The following UBE2Z variants were observed in gnomAD, a reference collection of about 807,000 sequenced individuals.
UBE2Z encodes the protein ubiquitin conjugating enzyme E2 Z.
In UBE2Z, 10 loss-of-function variants were observed where a neutral mutation model predicts 32.6. The ratio of observed to expected loss-of-function variants is 0.31; its 90% CI spans 0.19 to 0.52. UBE2Z has a LOEUF of 0.52. UBE2Z is among the 20% of genes least tolerant of loss of function. UBE2Z has a pLI of 0.97. For synonymous variants in UBE2Z, 183 were observed against 190.8 expected, an observed-to-expected ratio of 0.96 and a Z score of 0.34; for missense variants, 343 against 480.9, an observed-to-expected ratio of 0.71 and a Z score of 2.68.
At chr17:48,911,421 GAA>G (rs1290185384) in intron 2 of UBE2Z, 1 of 154,526 alleles carries the variant, frequency 6.5e-6, no homozygotes, top group Non-Finnish European at 1.4e-5. Context: ...CTCTCAGAGA[GAA>G]AGCTTAATAC....
chr17:48,925,236 G>A (rs578220950), intron 6 of UBE2Z, among the ~76,000 whole-genome samples: 66 of 146,576 alleles, frequency 4.5e-4, no homozygotes, highest in Non-Finnish European at 5.8e-4. Context: ...AGTGACCCGA[G>A]ATCACGTTGC....
chr17:48,912,846 A>C lies in UBE2Z; in HGVS notation c.403A>C (p.Ile135Leu). The C allele has an allele frequency of 6.2e-7, 1 of 1,613,676 alleles. No individual in the cohort carries two copies. Among genetic ancestry groups the C allele is most frequent in the Non-Finnish European group, 8.5e-7 (1 of 1,179,848 alleles). ...TVDMTKIHALITGPFDTPYEG... is the reference protein window; with the variant it reads ...TVDMTKIHALLTGPFDTPYEG... ...TTTTATTTTGCAGATTCATGCATTG[A>C]TCACAGGCCCATTTGACACTCCTTA... The change falls in exon 3 of 7, where the codon ATC becomes CTC. Residue 135 changes from isoleucine (I) to leucine (L), a missense_variant. Physicochemically the swap from Ile to Leu is conservative, Grantham distance 5. Coordinates refer to ENST00000360943, the MANE Select transcript of UBE2Z (RefSeq NM_023079.5).
intron 6 of UBE2Z, among the ~76,000 whole-genome samples, chr17:48,924,473 T>A (rs988365703): frequency 5.3e-5 from 8 of 152,230 alleles, no homozygotes; most frequent in African/African-American, 1.9e-4. Context: ...TTGCCTCTAC[T>A]GGGAAAAGTG....
At chr17:48,916,300 G>A in intron 4 of UBE2Z, 113 bp downstream of exon 4, 1 of 512,804 alleles carries the variant, frequency 2.0e-6, no homozygotes. Flanking sequence ...CTGTCACCTA[G>A]GCTGTAGTGC....
chr17:48,912,155 T>C (rs1194457439), intron 2 of UBE2Z: 1 of 151,450 alleles, frequency 6.6e-6, no homozygotes, highest in African/African-American at 2.4e-5. Flanking sequence ...TCAGTCATGA[T>C]GTGCTGCCTG....
intron 1 of UBE2Z, among the ~76,000 whole-genome samples, chr17:48,909,484 C>T (rs1165594794): frequency 6.6e-6 from 1 of 151,774 alleles, no homozygotes; most frequent in Non-Finnish European, 1.5e-5. Context: ...CCCCAATTCC[C>T]CAGTGCCACT....
rs1345603279 is a variant in UBE2Z, at chr17:48,908,488, C to T, written c.-16C>T. 18 of 1,232,498 alleles carry T rather than the reference C, an allele frequency of 1.5e-5. No homozygotes were observed. The highest frequency in any genetic ancestry group is 9.3e-5 in the African/African-American group (6 of 64,172). The allele number at this position is 1,232,498 out of a possible 1,614,324, so 76.3% of individuals were successfully genotyped here. ...CGGCGGACGTGCTGCCGAGTAGTCC[C>T]GGAAGCGAAGCAGCGATGGCGGAGA... On this transcript the variant is annotated 5_prime_UTR_variant, in exon 1 of 7. Transcript: ENST00000360943.
intron 3 of UBE2Z, chr17:48,915,848 C>A: frequency 2.2e-6 from 1 of 447,388 alleles, no homozygotes; most frequent in Non-Finnish European, 3.9e-6. Flanking sequence ...ACATAGCTTG[C>A]TATTACCTGT....
At chr17:48,917,246 A>G (rs1366924319) in intron 4 of UBE2Z, among the ~76,000 whole-genome samples, 1 of 152,168 alleles carries the variant, frequency 6.6e-6, no homozygotes, top group African/African-American at 2.4e-5. Context: ...TGGAGCTTAC[A>G]GTGAGCCAAG....
At position 48,928,685 on chromosome 17, in the gene UBE2Z, A is replaced by T. The variant is rs1182239036; in HGVS notation, c.*1551A>T. ...AGGGATTGGTGGGCTTGGGGAACGG[A>T]AGTTTATCTTGGATACCCTTGAAGA... is the stretch of plus-strand genomic sequence containing the variant. On this transcript the variant is annotated 3_prime_UTR_variant, in exon 7 of 7. Transcript: ENST00000360943. The T allele has an allele frequency of 6.6e-6, 1 of 151,980 alleles. No homozygotes were observed. The highest frequency in any genetic ancestry group is 2.1e-4 in the South Asian group (1 of 4,794). 9.4% of individuals were successfully genotyped at this position (151,980 alleles called of 1,614,324 possible). A position where few individuals can be genotyped will look rare whatever the true frequency, so the allele number is the denominator to read the frequency against.
intron 4 of UBE2Z, among the ~76,000 whole-genome samples, chr17:48,919,069 C>CTG (rs2040741371): frequency 6.6e-6 from 1 of 151,600 alleles, no homozygotes. Flanking sequence ...TTTTTTACTT[C>CTG]CAGAATGACT....
At chr17:48,920,858 T>C (rs1193266520) in intron 4 of UBE2Z, among the ~76,000 whole-genome samples, 1 of 152,124 alleles carries the variant, frequency 6.6e-6, no homozygotes, top group African/African-American at 2.4e-5. Context: ...TGTTTGGTTA[T>C]TTCCCACATA....
chr17:48,912,283 C>A (rs1447123817), intron 2 of UBE2Z: 1 of 154,380 alleles, frequency 6.5e-6, no homozygotes, highest in African/African-American at 2.4e-5. Flanking sequence ...GCCTCCAATC[C>A]CTTTCTTCGT....
Position 48,927,247 on chromosome 17 carries a change from C to A in UBE2Z, c.*113C>A, listed in dbSNP as rs1427318508. 2.3e-5 allele frequency: 27 copies of A among 1,166,410 alleles called. No homozygotes were observed. Among genetic ancestry groups the A allele is most frequent in the Non-Finnish European group, 2.4e-6 (2 of 831,286 alleles). 72.3% of individuals were successfully genotyped at this position (1,166,410 alleles called of 1,614,324 possible). ...TCCCTCCAGACTCGAAGTCATCCTG[C>A]AAGATGGCAAGAACCAAGCAAGCTC... On this transcript the variant is annotated 3_prime_UTR_variant, in exon 7 of 7. Coordinates refer to ENST00000360943, the MANE Select transcript of UBE2Z (RefSeq NM_023079.5).
chr17:48,923,673 AGAG>A (rs1379008235), intron 6 of UBE2Z, among the ~76,000 whole-genome samples: 1 of 151,210 alleles, frequency 6.6e-6, no homozygotes, highest in East Asian at 1.9e-4. Context: ...TGAGAGCCAG[AGAG>A]GAGACTGATT....
intron 4 of UBE2Z, among the ~76,000 whole-genome samples, chr17:48,917,300 G>T (rs568545889): frequency 1.4e-4 from 22 of 152,118 alleles, no homozygotes; most frequent in Middle Eastern, 3.4e-3. Context: ...GCGAGACACC[G>T]TCTTAAAAAA....
chr17:48,928,775 C>T lies in UBE2Z; in HGVS notation c.*1641C>T, dbSNP rs1231527599. ...CTTCCAATTTCCCTCTTCCATTCCT[C>T]GAGCTACTCCAGGGCTTAGAAGAAT... On this transcript the variant is annotated 3_prime_UTR_variant, in exon 7 of 7. Transcript: ENST00000360943. 1.3e-5 allele frequency: 2 copies of T among 152,630 alleles called. No individual in the cohort carries two copies. Among genetic ancestry groups the T allele is most frequent in the African/African-American group, 4.8e-5 (2 of 41,444 alleles). The allele number at this position is 152,630 out of a possible 1,614,324, so 9.5% of individuals were successfully genotyped here. A position where few individuals can be genotyped will look rare whatever the true frequency, so the allele number is the denominator to read the frequency against.
At chr17:48,909,900 G>A (rs886538614) in intron 1 of UBE2Z, among the ~76,000 whole-genome samples, 3 of 152,098 alleles carry the variant, frequency 2.0e-5, no homozygotes, top group African/African-American at 7.2e-5. Flanking sequence ...TAAAGTACCT[G>A]GCACAGTGCC....
intron 6 of UBE2Z, 113 bp from the exon 7 acceptor site, chr17:48,926,851 T>C (rs765763236): frequency 9.6e-5 from 119 of 1,234,460 alleles, no homozygotes; most frequent in Middle Eastern, 2.8e-4. Flanking sequence ...TAGGCCTTCC[T>C]GCTCCCATGG....
Sources: gnomAD v4.1 joint callset for allele counts (sites outside exome capture counted in the v4.1 genomes callset) on GRCh38, gnomAD v4.1.1 for gene constraint, MANE v1.5 for transcripts, NCBI Gene and HGNC (gene_info 2026-07-23, HGNC 2026-07-21) for gene names.